The following GET4 variants were observed in gnomAD, a reference collection of about 807,000 sequenced individuals.
The protein encoded by GET4 is guided entry of tail-anchored proteins factor 4.
In GET4, 20 loss-of-function variants were observed where a neutral mutation model predicts 40.0. That is an observed-to-expected ratio of 0.50 (90% confidence interval 0.35 to 0.73). The LOEUF (loss-of-function observed/expected upper bound fraction) is 0.73, where lower values mean the gene tolerates loss of function less well. Ranked by LOEUF, GET4 falls within the 30% of genes least tolerant of loss-of-function variation. The probability of loss-of-function intolerance (pLI) is 0.01; values close to 1 mark genes in which losing one functional copy is unlikely to be tolerated. For synonymous variants in GET4, 280 were observed against 194.6 expected (o/e 1.44, Z -3.65); for missense variants, 557 against 454.0 (o/e 1.23, Z -2.06).
intron 8 of GET4, among the ~76,000 whole-genome samples, chr7:894,800 CT>C (rs1277850133): frequency 1.2e-4 from 19 of 152,298 alleles, no homozygotes; most frequent in African/African-American, 3.1e-4. Flanking sequence ...GTTCAGGAGA[CT>C]TTTGGAGCTT....
At chr7:883,377 G>A (rs1844124776) in intron 1 of GET4, 2 of 318,950 alleles carry the variant, frequency 6.3e-6, no homozygotes, top group Non-Finnish European at 9.1e-6. Flanking sequence ...CAAGAGAGAA[G>A]GGCGGGATTC....
intron 1 of GET4, chr7:884,423 G>A: frequency 8.2e-7 from 1 of 1,218,328 alleles, no homozygotes; most frequent in Non-Finnish European, 1.1e-6. Flanking sequence ...CCTTCACTGT[G>A]CGGGGAGCAC....
intron 4 of GET4, among the ~76,000 whole-genome samples, chr7:888,886 C>G (rs748386486): frequency 6.6e-6 from 1 of 152,242 alleles, no homozygotes; most frequent in East Asian, 1.9e-4. Flanking sequence ...ACCCCCTGCC[C>G]GGGAGCTGTC....
chr7:876,893 G>T (rs2128625647), intron 1 of GET4, 93 bp downstream of exon 1: 1 of 657,990 alleles, frequency 1.5e-6, no homozygotes, highest in Non-Finnish European at 2.0e-6. Context: ...ATTGGGCCGC[G>T]CCGCTGCCCG....
rs947593532 is a variant in GET4 at position 895,733 on chromosome 7, G to A, written c.*311G>A. On this transcript the variant is annotated 3_prime_UTR_variant, in exon 9 of 9. Transcript: ENST00000265857. ...CTTTGTTCTGGGTCCTTTCGGGAGG[G>A]CTGATGGGCAGCACAGGAGGCCCGT... 9.7e-5 allele frequency: 20 copies of A among 206,006 alleles called. No homozygotes were observed. Among genetic ancestry groups the A allele is most frequent in the Non-Finnish European group, 1.8e-4 (18 of 102,568 alleles). 12.8% of individuals were successfully genotyped at this position (206,006 alleles called of 1,614,324 possible).
At chr7:894,302 C>T (rs573460645) in intron 8 of GET4, among the ~76,000 whole-genome samples, 16 of 152,246 alleles carry the variant, frequency 1.1e-4, no homozygotes, top group Non-Finnish European at 1.8e-4. Flanking sequence ...CTGGTGTGCC[C>T]GGGACGCTGC....
rs146726046 is a variant in GET4 at position 884,123 on chromosome 7, C to T, written c.156-1933C>T. ...CTGGTTTCTAAGTCGCCACCTCTTG[C>T]TTTACCTCAGATAGAAGCATCCAGA... On this transcript the variant is annotated intron_variant, in intron 1 of 8. Coordinates refer to ENST00000265857, the MANE Select transcript of GET4 (RefSeq NM_015949.3). 164 of 1,223,432 alleles carry T rather than the reference C, an allele frequency of 1.3e-4. 1 individual carries two copies. In the African/African-American group the frequency reaches 1.7e-3, roughly 13 times the overall value. The allele number at this position is 1,223,432 out of a possible 1,614,324, so 75.8% of individuals were successfully genotyped here.
chr7:880,972 C>G (rs1459606760), intron 1 of GET4: 3 of 152,232 alleles, frequency 2.0e-5, no homozygotes, highest in African/African-American at 4.8e-5. Flanking sequence ...TCAGGCAATT[C>G]TCGTGCCTCA....
intron 6 of GET4, among the ~76,000 whole-genome samples, chr7:893,309 TGTG>T (rs1463670360): frequency 9.0e-6 from 1 of 110,866 alleles, no homozygotes; most frequent in Non-Finnish European, 1.8e-5. Flanking sequence ...GGCGCGGTGG[TGTG>T]TGCAGGTGAG....
chr7:879,591 G>A (rs1844042672), intron 1 of GET4, among the ~76,000 whole-genome samples: 1 of 152,180 alleles, frequency 6.6e-6, no homozygotes, highest in African/African-American at 2.4e-5. Context: ...GGGCAGCCTT[G>A]TTTCCAGAAT....
At chr7:889,772 TTAGGA>T (rs2128628679) in intron 4 of GET4, among the ~76,000 whole-genome samples, 5 of 78,132 alleles carry the variant, frequency 6.4e-5, no homozygotes, top group Admixed American at 2.8e-4. Flanking sequence ...CGAGCGGGTG[TTAGGA>T]CGGGGCCTGG....
intron 3 of GET4, chr7:887,050 C>A: frequency 1.7e-6 from 1 of 585,328 alleles, no homozygotes. Context: ...GTCCCTGCTG[C>A]TCTGGGAGAT....
rs752006733 is a variant in GET4, at chr7:884,161, C to A, written c.156-1895C>A. The A allele has an allele frequency of 7.0e-6, 9 of 1,290,614 alleles. No individual in the cohort carries two copies. In the Admixed American group the frequency reaches 9.3e-5, roughly 13 times the overall value. The allele number at this position is 1,290,614 out of a possible 1,614,324, so 79.9% of individuals were successfully genotyped here. ...AGAAGCATCCAGAACGCTGTAGTATCGGCAAAGCAGAAGCTGGTGTGGTGC... is the reference window on the plus strand; with the variant it reads ...AGAAGCATCCAGAACGCTGTAGTATAGGCAAAGCAGAAGCTGGTGTGGTGC... On this transcript the variant is annotated intron_variant, in intron 1 of 8. Coordinates refer to ENST00000265857, the MANE Select transcript of GET4 (RefSeq NM_015949.3).
At chr7:880,474 C>G (rs186054381) in intron 1 of GET4, 1 of 152,246 alleles carries the variant, frequency 6.6e-6, no homozygotes, top group Non-Finnish European at 1.5e-5. Context: ...AGTGATGAGT[C>G]CCTGGTCAAG....
rs140700406 is a variant in GET4 at position 892,284 on chromosome 7, C to A, written c.612C>A (p.Leu204=). 71 of 1,587,142 alleles carry A rather than the reference C, an allele frequency of 4.5e-5. No homozygotes were observed. In the South Asian group the frequency reaches 7.7e-4, roughly 17 times the overall value. Residue 204 remains leucine, a synonymous_variant, in exon 6 of 9, where the codon CTC becomes CTA. Transcript: ENST00000265857. ...MFVAQAVLQF[L]CLKNKSSASV... is the part of the protein sequence containing the mutation. ...AGCATGTTCTCATTTCCAGGTTTCT[C>A]TGTTTAAAAAACAAAAGTAGCGCAT...
intron 1 of GET4, chr7:883,745 C>T: frequency 2.0e-6 from 2 of 986,474 alleles, no homozygotes; most frequent in Non-Finnish European, 2.4e-6. Flanking sequence ...GAGAGGGTAC[C>T]TGTCCTGGCT....
At chr7:877,244 C>G (rs759438827) in intron 1 of GET4, among the ~76,000 whole-genome samples, 4 of 144,498 alleles carry the variant, frequency 2.8e-5, no homozygotes, top group African/African-American at 1.0e-4. Context: ...TCTTCCTTTG[C>G]GTCTCTCTCC....
At chr7:886,381 T>C in intron 2 of GET4, 188 bp from the exon 3 acceptor site, 1 of 614,792 alleles carries the variant, frequency 1.6e-6, no homozygotes, top group South Asian at 1.9e-5. Flanking sequence ...AACGTCCCCG[T>C]CCATTTTCAT....
chr7:887,062 C>A (rs765237244), intron 3 of GET4: 4 of 595,476 alleles, frequency 6.7e-6, no homozygotes, highest in Non-Finnish European at 1.3e-5. Context: ...CTGGGAGATG[C>A]CCCGGGCCAG....
Sources: allele counts gnomAD v4.1 joint callset (sites outside exome capture counted in the v4.1 genomes callset), GRCh38; gene constraint gnomAD v4.1.1; transcripts MANE v1.5; gene names NCBI Gene and HGNC (gene_info 2026-07-23, HGNC 2026-07-21).